The following GRM8 variants were observed in gnomAD, a reference collection of about 807,000 sequenced individuals.
GRM8 encodes metabotropic glutamate receptor 8.
GRM8 carries 47 observed loss-of-function variants against 87.2 expected under a neutral mutation model. That is an observed-to-expected ratio of 0.54 (90% CI 0.43 to 0.69). GRM8 has a LOEUF of 0.69. GRM8 is among the 30% of genes least tolerant of loss of function. The probability of loss-of-function intolerance (pLI) is 0.00; values close to 1 mark genes in which losing one functional copy is unlikely to be tolerated. For synonymous variants in GRM8, 396 were observed against 404.5 expected (o/e 0.98, Z 0.25); for missense variants, 1,019 against 1,139.2 (o/e 0.89, Z 1.52).
At position 126,602,408 on chromosome 7, in the gene GRM8, C is replaced by T. The variant is rs1046692505; in HGVS notation, c.1494+6954G>A. Among the ~76,000 whole-genome samples, 9 of 114,260 alleles carry T rather than the reference C, an allele frequency of 7.9e-5. 2 individuals are homozygous for T. Among genetic ancestry groups the T allele is most frequent in the Middle Eastern group, 8.1e-3 (2 of 246 alleles). 75.0% of individuals were successfully genotyped at this position (114,260 alleles called of 152,430 possible). A position where few individuals can be genotyped will look rare whatever the true frequency, so the allele number is the denominator to read the frequency against. On this transcript the variant is annotated intron_variant, in intron 8 of 10. Transcript: ENST00000339582. The stretch of plus-strand genomic sequence containing the variant: ...TTCTTTTGGCTTAGGATTGACTTGG[C>T]GATGCGGGCTCTTTTTCGGTTCCAT...
chr7:127,115,054 A>G (rs1264020782), intron 2 of GRM8, among the ~76,000 whole-genome samples: 1 of 152,128 alleles, frequency 6.6e-6, no homozygotes, highest in Non-Finnish European at 1.5e-5. Flanking sequence ...GGGGTGCAGT[A>G]ATCTCTCTAA....
At chr7:126,873,357 T>C (rs1405870036) in intron 6 of GRM8, among the ~76,000 whole-genome samples, 1 of 152,150 alleles carries the variant, frequency 6.6e-6, no homozygotes, top group Non-Finnish European at 1.5e-5. Context: ...CGAAACTTAT[T>C]TTAATAACTG....
intron 6 of GRM8, among the ~76,000 whole-genome samples, chr7:126,870,695 T>G (rs1799023699): frequency 6.6e-6 from 1 of 152,136 alleles, no homozygotes; most frequent in African/African-American, 2.4e-5. Context: ...CCCAAACAAT[T>G]ACAACAGTAA....
At chr7:126,668,395 C>T (rs1340426771) in intron 7 of GRM8, among the ~76,000 whole-genome samples, 2 of 152,164 alleles carry the variant, frequency 1.3e-5, no homozygotes, top group Non-Finnish European at 2.9e-5. Flanking sequence ...ACTGTTCCTT[C>T]TAAGCCTTTA....
At chr7:126,677,362 A>C (rs939204032) in intron 7 of GRM8, among the ~76,000 whole-genome samples, 11 of 110,058 alleles carry the variant, frequency 1.0e-4, no homozygotes, top group African/African-American at 3.2e-4. Flanking sequence ...CATCCACCCA[A>C]AAAAAAAAAA....
intron 8 of GRM8, among the ~76,000 whole-genome samples, chr7:126,603,234 T>C (rs570228789): frequency 1.6e-4 from 24 of 147,240 alleles, no homozygotes; most frequent in Non-Finnish European, 3.5e-4. Context: ...TGGGACGTAT[T>C]TCAAAATAAT....
intron 2 of GRM8, among the ~76,000 whole-genome samples, chr7:127,233,707 G>A (rs17867800): frequency 0.056 from 8,528 of 152,254 alleles, 313 homozygotes; most frequent in African/African-American, 0.093. Context: ...AAGGAAACCA[G>A]CCTCCCTAAT....
intron 7 of GRM8, among the ~76,000 whole-genome samples, chr7:126,694,711 A>G (rs1049838019): frequency 6.6e-6 from 1 of 152,214 alleles, no homozygotes; most frequent in African/African-American, 2.4e-5. Context: ...GGTTCTGCTT[A>G]GGCAAAACTA....
At chr7:126,543,964 T>C (rs1816836155) in intron 8 of GRM8, among the ~76,000 whole-genome samples, 1 of 152,224 alleles carries the variant, frequency 6.6e-6, no homozygotes, top group African/African-American at 2.4e-5. Context: ...TTCATAACCA[T>C]AGGATTTGAA....
intron 7 of GRM8, among the ~76,000 whole-genome samples, chr7:126,695,880 G>A (rs1809326649): frequency 6.6e-6 from 1 of 152,124 alleles, no homozygotes; most frequent in African/African-American, 2.4e-5. Flanking sequence ...TGGCCATTCA[G>A]GAAAGAAATG....
At chr7:126,516,220 T>C (rs1445879159) in intron 9 of GRM8, among the ~76,000 whole-genome samples, 2 of 151,966 alleles carry the variant, frequency 1.3e-5, no homozygotes, top group African/African-American at 4.8e-5. Context: ...AATTATATTT[T>C]AGGATGCCAC....
chr7:127,188,611 A>C (rs2116466196), intron 2 of GRM8, among the ~76,000 whole-genome samples: 1 of 152,292 alleles, frequency 6.6e-6, no homozygotes, highest in Non-Finnish European at 1.5e-5. Context: ...CATATACTAC[A>C]TTTGACATAA....
At chr7:126,472,272 A>G (rs1322345938) in intron 9 of GRM8, among the ~76,000 whole-genome samples, 1 of 152,192 alleles carries the variant, frequency 6.6e-6, no homozygotes, top group African/African-American at 2.4e-5. Flanking sequence ...TCCAGTTTTC[A>G]AAGGGAATGC....
intron 7 of GRM8, among the ~76,000 whole-genome samples, chr7:126,671,684 C>T (rs1806398193): frequency 6.6e-6 from 1 of 152,096 alleles, no homozygotes; most frequent in South Asian, 2.1e-4. Flanking sequence ...AACAGTTATC[C>T]TACAAATCCT....
chr7:127,166,090 C>T (rs1039922749), intron 2 of GRM8, among the ~76,000 whole-genome samples: 10 of 152,116 alleles, frequency 6.6e-5, no homozygotes, highest in Admixed American at 3.9e-4. Context: ...TGAAAATCAT[C>T]ACCAATGACT....
chr7:127,122,302 ACTTTT>A (rs1316578166), intron 2 of GRM8, among the ~76,000 whole-genome samples: 1 of 152,208 alleles, frequency 6.6e-6, no homozygotes, highest in Non-Finnish European at 1.5e-5. Context: ...ATGAAAATAT[ACTTTT>A]CTTTTTTTAT....
At chr7:127,195,515 G>A (rs1256301571) in intron 2 of GRM8, among the ~76,000 whole-genome samples, 1 of 152,150 alleles carries the variant, frequency 6.6e-6, no homozygotes, top group Non-Finnish European at 1.5e-5. Context: ...TTTAGATTCA[G>A]CAACCCTAAT....
intron 7 of GRM8, among the ~76,000 whole-genome samples, chr7:126,626,691 T>A (rs896786029): frequency 6.6e-6 from 1 of 152,170 alleles, no homozygotes; most frequent in African/African-American, 2.4e-5. Context: ...AGAAGTGTTC[T>A]ACCTTCTCTT....
chr7:127,120,327 T>C (rs1348555429), intron 2 of GRM8, among the ~76,000 whole-genome samples: 1 of 152,216 alleles, frequency 6.6e-6, no homozygotes, highest in Non-Finnish European at 1.5e-5. Context: ...CAAATGCTTA[T>C]ATGTTTTGGT....
Sources: allele counts gnomAD v4.1 joint callset (sites outside exome capture counted in the v4.1 genomes callset), GRCh38; gene constraint gnomAD v4.1.1; transcripts MANE v1.5; gene names NCBI Gene and HGNC (gene_info 2026-07-23, HGNC 2026-07-21).